Variants in GNAO1 observed in about 807,000 individuals in gnomAD.
GNAO1 encodes G protein subunit alpha o1, also known as guanine nucleotide-binding protein G(o) subunit alpha.
For missense variants in GNAO1, 166 were observed against 478.7 expected, an observed-to-expected ratio of 0.35 and a Z score of 6.10; for synonymous variants, 164 against 180.7, an observed-to-expected ratio of 0.91 and a Z score of 0.74.
intron 4 of GNAO1, among the ~76,000 whole-genome samples, chr16:56,332,249 C>A (rs1444504046): frequency 2.6e-5 from 4 of 152,172 alleles, no homozygotes; most frequent in Non-Finnish European, 4.4e-5. Flanking sequence ...GGCCTGCTTG[C>A]CCCAGCCGGA....
At chr16:56,259,284 A>G (rs2036881570) in intron 2 of GNAO1, among the ~76,000 whole-genome samples, 1 of 152,260 alleles carries the variant, frequency 6.6e-6, no homozygotes, top group Non-Finnish European at 1.5e-5. Context: ...GCACCAGTCA[A>G]AGAGGCAAAT....
At chr16:56,269,137 C>G (rs1165175880) in intron 2 of GNAO1, among the ~76,000 whole-genome samples, 2 of 152,222 alleles carry the variant, frequency 1.3e-5, no homozygotes, top group East Asian at 3.8e-4. Context: ...GTTAAGACAG[C>G]CTCAAATCAG....
At chr16:56,213,953 G>A (rs1347593360) in intron 2 of GNAO1, among the ~76,000 whole-genome samples, 2 of 151,940 alleles carry the variant, frequency 1.3e-5, no homozygotes, top group Non-Finnish European at 2.9e-5. Context: ...CCTGTGACTT[G>A]TGGGCATTCA....
intron 2 of GNAO1, among the ~76,000 whole-genome samples, chr16:56,219,235 T>C (rs189692678): frequency 4.8e-4 from 73 of 152,302 alleles, no homozygotes; most frequent in African/African-American, 1.6e-3. Context: ...ACCACCACAT[T>C]GGGTTTAGGT....
At chr16:56,258,159 A>G (rs2036870233) in intron 2 of GNAO1, among the ~76,000 whole-genome samples, 1 of 152,208 alleles carries the variant, frequency 6.6e-6, no homozygotes, top group Non-Finnish European at 1.5e-5. Context: ...AATCACTCTG[A>G]TTCTTATACT....
rs2143708423 is a variant in GNAO1, at chr16:56,356,677, A to G, written c.*603A>G. ...TCTCACTGGCCAGTAGCTGCCAAAA[A>G]GAACACCCATCGTATAAGGAAATCC... On this transcript the variant is annotated 3_prime_UTR_variant, in exon 9 of 9. Coordinates refer to ENST00000262493, the MANE Select transcript of GNAO1 (RefSeq NM_020988.3). 1 of 152,932 alleles carries G rather than the reference A, an allele frequency of 6.5e-6. No individual in the cohort carries two copies. The highest frequency in any genetic ancestry group is 2.1e-4 in the South Asian group (1 of 4,832). The allele number at this position is 152,932 out of a possible 1,614,324, so 9.5% of individuals were successfully genotyped here.
intron 3 of GNAO1, among the ~76,000 whole-genome samples, chr16:56,300,049 G>GCA (rs1303472610): frequency 6.5e-5 from 6 of 91,944 alleles, no homozygotes; most frequent in African/African-American, 2.9e-4. Context: ...GCGCGCGCGC[G>GCA]CGCACGCACA....
chr16:56,279,707 A>G (rs2037097026), intron 3 of GNAO1, among the ~76,000 whole-genome samples: 2 of 152,206 alleles, frequency 1.3e-5, no homozygotes, highest in Non-Finnish European at 2.9e-5. Context: ...GCTTCTTTCC[A>G]TAGAGCAGTG....
At chr16:56,259,684 C>T (rs188368459) in intron 2 of GNAO1, among the ~76,000 whole-genome samples, 1 of 152,196 alleles carries the variant, frequency 6.6e-6, no homozygotes, top group East Asian at 1.9e-4. Flanking sequence ...TGGGAGTGGT[C>T]TGCAGAAGGG....
In GNAO1 at chr16:56,344,982, T is replaced by C. The variant is rs1203946242; in HGVS notation, c.724-6402T>C. 3 of 982,172 alleles carry C rather than the reference T, an allele frequency of 3.1e-6. No individual in the cohort carries two copies. In the African/African-American group the frequency reaches 5.3e-5, roughly 17 times the overall value. The allele number at this position is 982,172 out of a possible 1,614,324, so 60.8% of individuals were successfully genotyped here. A position where few individuals can be genotyped will look rare whatever the true frequency, so the allele number is the denominator to read the frequency against. ...CAGCCGTTGGTGTCTTCCCAGCCCC[T>C]GGGGACAGAGGACAGCAGGGGGATG... On this transcript the variant is annotated intron_variant, in intron 6 of 8. Coordinates refer to ENST00000262493, the MANE Select transcript of GNAO1 (RefSeq NM_020988.3).
At chr16:56,333,446 A>G (rs1174375049) in intron 4 of GNAO1, among the ~76,000 whole-genome samples, 3 of 152,236 alleles carry the variant, frequency 2.0e-5, no homozygotes, top group East Asian at 3.9e-4. Context: ...TCCTGACCTC[A>G]TGATCCGCCC....
chr16:56,267,419 C>T (rs1372068142), intron 2 of GNAO1, among the ~76,000 whole-genome samples: 6 of 152,232 alleles, frequency 3.9e-5, no homozygotes, highest in Admixed American at 2.0e-4. Flanking sequence ...CCGGTCCCAC[C>T]GGCCAGCACG....
intron 2 of GNAO1, among the ~76,000 whole-genome samples, chr16:56,273,418 T>C (rs1205541679): frequency 2.6e-5 from 4 of 152,254 alleles, no homozygotes; most frequent in Admixed American, 1.3e-4. Flanking sequence ...ATGTTCATAA[T>C]TCCCTTCAAT....
At chr16:56,198,112 TA>T (rs1204040303) in intron 2 of GNAO1, among the ~76,000 whole-genome samples, 1 of 152,152 alleles carries the variant, frequency 6.6e-6, no homozygotes, top group East Asian at 1.9e-4. Flanking sequence ...TTGACACTAA[TA>T]GAGAAAACTT....
chr16:56,349,871 T>C (rs1009684335), intron 6 of GNAO1, among the ~76,000 whole-genome samples: 2 of 152,164 alleles, frequency 1.3e-5, no homozygotes, highest in African/African-American at 4.8e-5. Context: ...GGACTGGCCG[T>C]AAGACGCACG....
At position 56,351,386 on chromosome 16, in the gene GNAO1, C is replaced by G; in HGVS notation, c.726C>G (p.Asn242Lys). The change falls in exon 7 of 9, where the codon AAC (asparagine) becomes AAG (lysine). Residue 242 changes from asparagine to lysine, a missense_variant and splice_region_variant. Physicochemically the swap from Asn to Lys is moderately conservative, Grantham distance 94. Transcript: ENST00000262493. The surrounding 1 kb of genome is among the most constrained non-coding windows in gnomAD (Gnocchi z 6.1). Reference protein sequence around the residue: ...DQVLHEDETTNRMHESLMLFD... With the variant: ...DQVLHEDETTKRMHESLMLFD... ...CTCCTCCCTTCCTGCGGCCGCAGAA[C>G]CGCATGCACGAGTCTCTCATGCTCT... is the stretch of plus-strand genomic sequence containing the variant. The G allele has an allele frequency of 1.2e-6, 2 of 1,611,742 alleles. No individual in the cohort carries two copies. Among genetic ancestry groups the G allele is most frequent in the Non-Finnish European group, 1.7e-6 (2 of 1,177,954 alleles).
rs114025146 is a variant in GNAO1 at position 56,335,220 on chromosome 16, C to T, written c.593+363C>T. Among the ~76,000 whole-genome samples, 237 of 152,276 alleles carry T rather than the reference C, an allele frequency of 1.6e-3. 1 individual carries two copies. Among genetic ancestry groups the T allele is most frequent in the African/African-American group, 5.6e-3 (233 of 41,558 alleles). On this transcript the variant is annotated intron_variant, in intron 5 of 8. Coordinates refer to ENST00000262493, the MANE Select transcript of GNAO1 (RefSeq NM_020988.3). ...GGAGCCAAGAGTGGGGCTGGGTAAG[C>T]CCAAGCTACCTCTGTGAGACCCTGA...
chr16:56,285,938 C>T (rs3790093), intron 3 of GNAO1, among the ~76,000 whole-genome samples: 42,289 of 152,002 alleles, frequency 0.28, 6,389 homozygotes, highest in Middle Eastern at 0.36. Context: ...CCCTTTCTGG[C>T]CACCAGATAT....
intron 2 of GNAO1, chr16:56,271,159 A>AT (rs2037013447): frequency 6.6e-6 from 1 of 152,136 alleles, no homozygotes; most frequent in African/African-American, 2.4e-5. Flanking sequence ...AAATCTCTGG[A>AT]TTCTCCTGGA....
Sources: allele counts gnomAD v4.1 joint callset (sites outside exome capture counted in the v4.1 genomes callset), GRCh38; gene constraint gnomAD v4.1.1; non-coding constraint Gnocchi (gnomAD v3.1); transcripts MANE v1.5; gene names NCBI Gene and HGNC (gene_info 2026-07-23, HGNC 2026-07-21).